The following TBC1D22A variants were observed in gnomAD, a reference collection of about 807,000 sequenced individuals.
The protein encoded by TBC1D22A is putative GTPase activator.
TBC1D22A carries 38 observed loss-of-function variants against 60.2 expected under a neutral mutation model. The observed-to-expected ratio is 0.63, with a 90% confidence interval of 0.49 to 0.83. The LOEUF (loss-of-function observed/expected upper bound fraction) is 0.83. TBC1D22A is among the 40% of genes least tolerant of loss of function. The probability of loss-of-function intolerance (pLI) is 0.00; values close to 1 mark genes in which losing one functional copy is unlikely to be tolerated. For missense variants in TBC1D22A, 628 were observed against 701.0 expected, an observed-to-expected ratio of 0.90 and a Z score of 1.18; for synonymous variants, 302 against 281.7, an observed-to-expected ratio of 1.07 and a Z score of -0.72.
chr22:46,874,357 T>C (rs187105057), intron 4 of TBC1D22A, among the ~76,000 whole-genome samples: 4 of 152,212 alleles, frequency 2.6e-5, no homozygotes, highest in African/African-American at 9.6e-5. Context: ...GAGGAATTGC[T>C]ACACTGTCTT....
At chr22:47,029,394 G>A (rs1316529072) in intron 10 of TBC1D22A, among the ~76,000 whole-genome samples, 1 of 152,176 alleles carries the variant, frequency 6.6e-6, no homozygotes, top group African/African-American at 2.4e-5. Flanking sequence ...CAACAAGAAA[G>A]CCCCTCAGAG....
chr22:46,889,127 G>A (rs2068266903), intron 5 of TBC1D22A, among the ~76,000 whole-genome samples: 1 of 152,150 alleles, frequency 6.6e-6, no homozygotes, highest in African/African-American at 2.4e-5. Context: ...ACTGGGGAGA[G>A]GAATGACAGT....
At chr22:47,149,543 C>T (rs2067421557) in intron 12 of TBC1D22A, among the ~76,000 whole-genome samples, 1 of 152,224 alleles carries the variant, frequency 6.6e-6, no homozygotes. Flanking sequence ...GTGATGGGAC[C>T]ACTCCCCCGC....
At chr22:47,090,334 T>G (rs1431016198) in intron 11 of TBC1D22A, among the ~76,000 whole-genome samples, 1 of 138,692 alleles carries the variant, frequency 7.2e-6, no homozygotes, top group East Asian at 2.0e-4. Flanking sequence ...CAGGGAGCGC[T>G]CAGACAGACG....
chr22:46,792,514 C>T lies in TBC1D22A; in HGVS notation c.63-6C>T. 1.9e-6 allele frequency: 3 copies of T among 1,614,222 alleles called. No individual in the cohort carries two copies. Among genetic ancestry groups the T allele is most frequent in the Non-Finnish European group, 2.5e-6 (3 of 1,180,038 alleles). ...GCTCACTGGTTTTCCTTTTCTTTTC[C>T]ATCAGCATCCAGCACGTGTATGGTG... On this transcript the variant is annotated splice_region_variant and splice_polypyrimidine_tract_variant and intron_variant, in intron 1 of 12. Transcript: ENST00000337137.
chr22:46,915,817 G>T (rs73888470), intron 8 of TBC1D22A: 1 of 456,668 alleles, frequency 2.2e-6, no homozygotes, highest in African/African-American at 2.0e-5. Flanking sequence ...TTCACGGGAG[G>T]TGGGGAATCC....
At chr22:47,066,374 T>TAG (rs778390949) in intron 11 of TBC1D22A, among the ~76,000 whole-genome samples, 12 of 151,810 alleles carry the variant, frequency 7.9e-5, no homozygotes, top group Non-Finnish European at 1.5e-4. Context: ...CGTGCGGGAC[T>TAG]AGAGGGCACA....
At chr22:46,910,743 T>C (rs1602439783) in intron 7 of TBC1D22A, among the ~76,000 whole-genome samples, 4 of 151,962 alleles carry the variant, frequency 2.6e-5, no homozygotes, top group African/African-American at 9.7e-5. Context: ...GGAGTGGTGC[T>C]TGAAGTGAAT....
intron 10 of TBC1D22A, among the ~76,000 whole-genome samples, chr22:47,014,681 C>A (rs912004636): frequency 1.3e-5 from 2 of 152,134 alleles, no homozygotes; most frequent in African/African-American, 4.8e-5. Context: ...GACTCTTGTC[C>A]GAGTCACGCA....
At chr22:46,941,749 C>T (rs1035200354) in intron 8 of TBC1D22A, among the ~76,000 whole-genome samples, 93 of 141,910 alleles carry the variant, frequency 6.6e-4, no homozygotes, top group Admixed American at 1.7e-3. Context: ...TATATATATG[C>T]GGAATATATA....
intron 8 of TBC1D22A, among the ~76,000 whole-genome samples, chr22:46,929,174 C>T (rs1337634728): frequency 6.6e-6 from 1 of 152,222 alleles, no homozygotes; most frequent in Non-Finnish European, 1.5e-5. Flanking sequence ...TAATTGGCAG[C>T]TTCCTATCGA....
At chr22:47,128,406 A>T (rs777912573) in intron 12 of TBC1D22A, among the ~76,000 whole-genome samples, 1 of 120,724 alleles carries the variant, frequency 8.3e-6, no homozygotes, top group Non-Finnish European at 1.7e-5. Context: ...TAGGGGAGGG[A>T]GGAGGAGCTG....
At chr22:47,149,037 C>CAGAGATAAGGAG (rs147935698) in intron 12 of TBC1D22A, among the ~76,000 whole-genome samples, 2,255 of 152,156 alleles carry the variant, frequency 0.015, 43 homozygotes, top group African/African-American at 0.052. Context: ...GACGAGTAGG[C>CAGAGATAAGGAG]AGAGATAAGG....
At chr22:46,843,831 A>G (rs1237523726) in intron 4 of TBC1D22A, among the ~76,000 whole-genome samples, 1 of 152,004 alleles carries the variant, frequency 6.6e-6, no homozygotes, top group African/African-American at 2.4e-5. Context: ...TTGACCTGTG[A>G]GCGTAAACAC....
chr22:46,801,956 C>A (rs2084916650), intron 4 of TBC1D22A, among the ~76,000 whole-genome samples: 1 of 152,224 alleles, frequency 6.6e-6, no homozygotes, highest in African/African-American at 2.4e-5. Flanking sequence ...CCCTTGGTGT[C>A]CGTGGCTCTA....
intron 5 of TBC1D22A, 103 bp downstream of exon 5, chr22:46,878,826 T>C (rs2147495693): frequency 9.4e-7 from 1 of 1,064,342 alleles, no homozygotes; most frequent in South Asian, 1.4e-5. Context: ...CGGGTTTGCC[T>C]TGGCTTTGTT....
intron 10 of TBC1D22A, among the ~76,000 whole-genome samples, chr22:47,003,784 CCTACACACACATG>C (rs1319630042): frequency 2.3e-5 from 3 of 130,650 alleles, no homozygotes; most frequent in Non-Finnish European, 4.9e-5. Flanking sequence ...ACACACACAC[CCTACACACACATG>C]CCTGTACACA....
At chr22:47,173,402 G>T in intron 12 of TBC1D22A, 96 bp from the exon 13 acceptor site, 1 of 1,536,444 alleles carries the variant, frequency 6.5e-7, no homozygotes, top group Non-Finnish European at 8.9e-7. Context: ...CACCTCCTCT[G>T]ACCTGGGCTT....
chr22:46,844,595 G>A (rs1207993685), intron 4 of TBC1D22A, among the ~76,000 whole-genome samples: 1 of 152,196 alleles, frequency 6.6e-6, no homozygotes, highest in Non-Finnish European at 1.5e-5. Context: ...GGGTAGAGGA[G>A]CACAGCACAG....
Sources: allele counts gnomAD v4.1 joint callset (sites outside exome capture counted in the v4.1 genomes callset), GRCh38; gene constraint gnomAD v4.1.1; transcripts MANE v1.5; gene names NCBI Gene and HGNC (gene_info 2026-07-23, HGNC 2026-07-21).